VGLL4: variants seen among roughly 807,000 people sequenced by gnomAD.
The protein encoded by VGLL4 is transcription cofactor vestigial-like protein 4.
Under a neutral mutation model 21.0 loss-of-function variants are expected in VGLL4, and 7 were observed. The ratio of observed to expected loss-of-function variants is 0.33; its 90% confidence interval spans 0.19 to 0.63. VGLL4 has a LOEUF of 0.63. Among genes scored for constraint, VGLL4 ranks in the 20% least tolerant of loss-of-function variants. The pLI is 0.78. For synonymous variants in VGLL4, 222 were observed against 173.2 expected, an observed-to-expected ratio of 1.28 and a Z score of -2.21; for missense variants, 394 against 425.7, an observed-to-expected ratio of 0.93 and a Z score of 0.66.
intron 1 of VGLL4, chr3:11,626,571 C>T (rs955928810): frequency 3.2e-5 from 11 of 345,738 alleles, no homozygotes; most frequent in Admixed American, 7.2e-5. Flanking sequence ...GTGCTCTAAA[C>T]ACATTGTGGT....
Position 11,559,363 on chromosome 3 carries a change from G to C in VGLL4, c.588C>G (p.Pro196=). The stretch of plus-strand genomic sequence containing the variant: ...GTGGCCTCCGGTAGCTGGCAGGCCC[G>C]GGCGCGGCACAGCCGCTGTGCGCGA... ...CPIAHSGCAA[P]GPASYRRPPS... Residue 196 remains proline (P), a synonymous_variant, in exon 4 of 5, where the codon CCC becomes CCG. Transcript: ENST00000430365. 11 of 1,551,124 alleles carry C rather than the reference G, an allele frequency of 7.1e-6. No homozygotes were observed. Among genetic ancestry groups the C allele is most frequent in the Non-Finnish European group, 9.6e-6 (11 of 1,147,338 alleles).
chr3:11,664,200 T>G (rs2076076515), intron 2 of VGLL4, among the ~76,000 whole-genome samples: 1 of 152,124 alleles, frequency 6.6e-6, no homozygotes, highest in African/African-American at 2.4e-5. Flanking sequence ...ATCGCACCAC[T>G]GCACTCCAGC....
rs370926057 is a variant in VGLL4 at position 11,558,269 on chromosome 3, C to T, written c.*287G>A. The T allele has an allele frequency of 9.8e-6, 5 of 509,660 alleles. No homozygotes were observed. In the East Asian group the frequency reaches 1.6e-4, roughly 17 times the overall value. The allele number at this position is 509,660 out of a possible 1,614,324, so 31.6% of individuals were successfully genotyped here. A position where few individuals can be genotyped will look rare whatever the true frequency, so the allele number is the denominator to read the frequency against. ...TGGAGTCCTGGCCCCGTCGGGGCAG[C>T]AGACCTGCATCAGAGGTTTCTTTGG... On this transcript the variant is annotated 3_prime_UTR_variant, in exon 5 of 5. Coordinates refer to ENST00000430365, the MANE Select transcript of VGLL4 (RefSeq NM_001128219.3).
At chr3:11,622,928 G>A (rs1027975479) in intron 1 of VGLL4, among the ~76,000 whole-genome samples, 3 of 152,182 alleles carry the variant, frequency 2.0e-5, no homozygotes, top group Non-Finnish European at 2.9e-5. Flanking sequence ...CCTTTCTTAC[G>A]CTTCCTTGGG....
chr3:11,579,940 T>C (rs2074178936), intron 2 of VGLL4, among the ~76,000 whole-genome samples: 2 of 152,220 alleles, frequency 1.3e-5, no homozygotes, highest in African/African-American at 2.4e-5. Flanking sequence ...CAGATGAGTA[T>C]GGAATATAAA....
At chr3:11,687,924 A>C (rs2076475047) in intron 2 of VGLL4, among the ~76,000 whole-genome samples, 1 of 152,138 alleles carries the variant, frequency 6.6e-6, no homozygotes, top group Non-Finnish European at 1.5e-5. Context: ...TATTCATTGT[A>C]AGTTTCTATC....
chr3:11,634,142 TATTA>T (rs2075540716), intron 1 of VGLL4, among the ~76,000 whole-genome samples: 1 of 152,162 alleles, frequency 6.6e-6, no homozygotes, highest in African/African-American at 2.4e-5. Flanking sequence ...CCCAACTTTC[TATTA>T]TTTATCTCTT....
intron 1 of VGLL4, among the ~76,000 whole-genome samples, chr3:11,639,254 GTCCCTGCTCCCTGGGGAC>G (rs2075643003): frequency 6.6e-6 from 1 of 152,230 alleles, no homozygotes; most frequent in Non-Finnish European, 1.5e-5. Flanking sequence ...ACCTGTCCCT[GTCCCTGCTCCCTGGGGAC>G]TGGCTCTGGA....
intron 2 of VGLL4, among the ~76,000 whole-genome samples, chr3:11,581,080 A>T (rs78745627): frequency 0.042 from 6,020 of 143,398 alleles, 185 homozygotes; most frequent in East Asian, 0.088. Context: ...TTTTTTTTTA[A>T]AAAAAAAGAT....
intron 1 of VGLL4, among the ~76,000 whole-genome samples, chr3:11,707,544 T>TAA (rs536008674): frequency 2.1e-5 from 3 of 140,550 alleles, no homozygotes; most frequent in African/African-American, 2.6e-5. Flanking sequence ...TAACAGTTAT[T>TAA]AAAAAAAAAA....
rs759514138 is a variant in VGLL4 at position 11,558,657 on chromosome 3, C to T, written c.790G>A (p.Gly264Arg). 1.1e-5 allele frequency: 17 copies of T among 1,612,544 alleles called. No homozygotes were observed. The highest frequency in any genetic ancestry group is 8.3e-5 in the Admixed American group (5 of 60,010). Residue 264 changes from glycine to arginine, a missense_variant, in exon 5 of 5, where the codon GGA becomes AGA. By Grantham distance (125) the Gly-to-Arg change is moderately radical. Transcript: ENST00000430365. ...GCGGACTCAGGGCTGCTGGATGCTC[C>T]GTCCTTGGCCGCTTTGATCTGGAGC... The part of the protein sequence containing the change: ...TWLQIKAAKD[G>R]ASSSPESASR...
At chr3:11,566,875 CAG>C (rs1207834203) in intron 2 of VGLL4, among the ~76,000 whole-genome samples, 1 of 152,126 alleles carries the variant, frequency 6.6e-6, no homozygotes, top group Non-Finnish European at 1.5e-5. Flanking sequence ...CAGGGGTGCA[CAG>C]AGACTTAACG....
At chr3:11,704,656 A>G (rs2125406869) in intron 1 of VGLL4, among the ~76,000 whole-genome samples, 1 of 152,228 alleles carries the variant, frequency 6.6e-6, no homozygotes, top group East Asian at 1.9e-4. Flanking sequence ...TCTATGGTAA[A>G]TAAGTTTGAG....
chr3:11,717,091 C>A (rs868113841), intron 1 of VGLL4, among the ~76,000 whole-genome samples: 2 of 151,950 alleles, frequency 1.3e-5, no homozygotes, highest in East Asian at 3.9e-4. Flanking sequence ...AAGGCAATAC[C>A]CTGCCTTCTT....
At chr3:11,638,712 C>T (rs944368827) in intron 1 of VGLL4, among the ~76,000 whole-genome samples, 2 of 152,156 alleles carry the variant, frequency 1.3e-5, no homozygotes, top group Non-Finnish European at 2.9e-5. Context: ...GGAGAGGGTA[C>T]GAAATGGCCC....
rs547521316 is a variant in VGLL4, at chr3:11,619,231, G to T, written c.83-17209C>A. On this transcript the variant is annotated intron_variant, in intron 1 of 4. Coordinates refer to ENST00000430365, the MANE Select transcript of VGLL4 (RefSeq NM_001128219.3). The stretch of plus-strand genomic sequence containing the variant: ...CAGCAAGCGATCAGGGATCAGAGAG[G>T]CAGGCGGTAGCTTAATGGACTAGAT... 3.7e-4 allele frequency among the ~76,000 whole-genome samples: 56 copies of T among 152,346 alleles called. No homozygotes were observed. The South Asian group carries it at 0.011, about 31-fold the overall frequency.
chr3:11,694,509 C>G (rs193179517), intron 2 of VGLL4, among the ~76,000 whole-genome samples: 3 of 152,052 alleles, frequency 2.0e-5, no homozygotes, highest in Non-Finnish European at 4.4e-5. Flanking sequence ...ATAATCCCAG[C>G]TACTGGGGAG....
chr3:11,642,173 G>A (rs1288629757), intron 1 of VGLL4, among the ~76,000 whole-genome samples: 1 of 152,126 alleles, frequency 6.6e-6, no homozygotes, highest in African/African-American at 2.4e-5. Flanking sequence ...CACATCAGAT[G>A]CAAAGAAAGA....
At chr3:11,669,413 T>C (rs1482642082) in intron 2 of VGLL4, among the ~76,000 whole-genome samples, 1 of 152,160 alleles carries the variant, frequency 6.6e-6, no homozygotes, top group African/African-American at 2.4e-5. Flanking sequence ...CTCTAAAGTC[T>C]AAGACCTTCT....
Sources: gnomAD v4.1 joint callset for allele counts (sites outside exome capture counted in the v4.1 genomes callset) on GRCh38, gnomAD v4.1.1 for gene constraint, MANE v1.5 for transcripts, NCBI Gene and HGNC (gene_info 2026-07-23, HGNC 2026-07-21) for gene names.